Variants in RAB40B observed in about 807,000 individuals in gnomAD.
RAB40B encodes ras-related protein Rab-40B.
Under a neutral mutation model 24.0 loss-of-function variants are expected in RAB40B, and 21 were observed. The ratio of observed to expected loss-of-function variants is 0.88; its 90% CI spans 0.62 to 1.26. The LOEUF is 1.26. Ranked by LOEUF, RAB40B falls within the 50% of genes most tolerant of loss-of-function variation. The pLI is 0.00. For synonymous variants in RAB40B, 167 were observed against 169.8 expected, an observed-to-expected ratio of 0.98 and a Z score of 0.13; for missense variants, 348 against 390.5, an observed-to-expected ratio of 0.89 and a Z score of 0.92.
In RAB40B at chr17:82,667,896, C is replaced by T. The variant is rs190764425; in HGVS notation, c.143-3340G>A. ...CGTTTGCCACCGAGCCCAGCAGGCA[C>T]GCTGAGTGCACCGTCTGTCTCTCTC... On this transcript the variant is annotated intron_variant, in intron 1 of 5. Coordinates refer to ENST00000571995, the MANE Select transcript of RAB40B (RefSeq NM_006822.3). The surrounding 1 kb of genome is among the most constrained non-coding windows in gnomAD (Gnocchi z 4.3). Among the ~76,000 whole-genome samples the T allele has an allele frequency of 1.6e-4, 24 of 152,258 alleles. No individual in the cohort carries two copies. The highest frequency in any genetic ancestry group is 3.1e-4 in the Non-Finnish European group (21 of 68,016).
rs1158471473 is a variant in RAB40B, at chr17:82,665,226, CA to C, written c.143-671del. Among the ~76,000 whole-genome samples, 23 of 146,054 alleles carry C rather than the reference CA, an allele frequency of 1.6e-4. No individual in the cohort carries two copies. In the East Asian group the frequency reaches 3.8e-3, roughly 24 times the overall value. On this transcript the variant is annotated intron_variant, in intron 1 of 5. Transcript: ENST00000571995. ...TTTTTTCAAGTTAAAAACAAACAAA[CA>C]AAAAAAAAACCCGAGAATGCCTTTC... is the stretch of plus-strand genomic sequence containing the variant.
In RAB40B at chr17:82,692,057, CGG is replaced by C. The variant is rs1286018919; in HGVS notation, c.142+6396_142+6397del. On this transcript the variant is annotated intron_variant, in intron 1 of 5. Transcript: ENST00000571995. This position sits in a 1 kb window ranked among gnomAD's most constrained non-coding sequence, Gnocchi z 4.0. ...GACAGGCAGAGCAGTGGGGCCCGCACGGTCCGTGGGCTGAGGTGACAGGCAGA... is the reference window on the plus strand; with the variant it reads ...GACAGGCAGAGCAGTGGGGCCCGCACTCCGTGGGCTGAGGTGACAGGCAGA... Among the ~76,000 whole-genome samples the C allele has an allele frequency of 1.4e-3, 157 of 115,718 alleles. 75 individuals carry two copies. The highest frequency in any genetic ancestry group is 1.4e-3 in the Non-Finnish European group (79 of 55,146). 75.9% of individuals were successfully genotyped at this position (115,718 alleles called of 152,430 possible).
chr17:82,679,105 G>A (rs561641796), intron 1 of RAB40B, among the ~76,000 whole-genome samples: 27 of 150,626 alleles, frequency 1.8e-4, no homozygotes, highest in African/African-American at 5.8e-4. Context: ...GGATAGTCTC[G>A]ATCTCCTGAC....
chr17:82,692,588 G>A lies in RAB40B; in HGVS notation c.142+5867C>T, dbSNP rs2046569635. Among the ~76,000 whole-genome samples the A allele has an allele frequency of 6.6e-6, 1 of 152,144 alleles. No individual in the cohort carries two copies. The highest frequency in any genetic ancestry group is 2.4e-5 in the African/African-American group (1 of 41,430). On this transcript the variant is annotated intron_variant, in intron 1 of 5. Coordinates refer to ENST00000571995, the MANE Select transcript of RAB40B (RefSeq NM_006822.3). The surrounding 1 kb of genome is among the most constrained non-coding windows in gnomAD (Gnocchi z 4.0). ...TGGGACAACGGTGGCCGTGCGATGC[G>A]GGGTGGGGGTGGGGGGCATCCGACT...
At chr17:82,683,237 C>A (rs555127540) in intron 1 of RAB40B, among the ~76,000 whole-genome samples, 1 of 152,188 alleles carries the variant, frequency 6.6e-6, no homozygotes, top group African/African-American at 2.4e-5. Context: ...AGAAGAAAAT[C>A]TTTGTGACTT....
intron 1 of RAB40B, among the ~76,000 whole-genome samples, chr17:82,676,686 G>A (rs1471450827): frequency 1.3e-5 from 2 of 152,024 alleles, no homozygotes; most frequent in African/African-American, 4.8e-5. Flanking sequence ...GGAATGCAAT[G>A]GCGTGATCTC....
intron 1 of RAB40B, among the ~76,000 whole-genome samples, chr17:82,681,744 A>T (rs771641599): frequency 6.6e-6 from 1 of 152,196 alleles, no homozygotes. Context: ...AAATCTATCA[A>T]TGCAATTTAT....
chr17:82,662,666 C>A (rs2046189321), intron 2 of RAB40B: 1 of 985,228 alleles, frequency 1.0e-6, no homozygotes, highest in Non-Finnish European at 1.2e-6. Flanking sequence ...GCACCGGCAC[C>A]ACAGGAGAGC....
chr17:82,677,112 C>A (rs562059969), intron 1 of RAB40B, among the ~76,000 whole-genome samples: 7 of 151,286 alleles, frequency 4.6e-5, no homozygotes, highest in Non-Finnish European at 1.0e-4. Flanking sequence ...CCACGCCCAG[C>A]TAATTTTTGT....
At position 82,693,903 on chromosome 17, in the gene RAB40B, T is replaced by C. The variant is rs1037629655; in HGVS notation, c.142+4552A>G. Among the ~76,000 whole-genome samples the C allele has an allele frequency of 2.3e-4, 34 of 150,450 alleles. 1 individual carries two copies. The highest frequency in any genetic ancestry group is 8.5e-4 in the African/African-American group (34 of 40,200). ...TTCCAGACCATCCTGGCTAACAAAGTGAAACCCCGTCTCTACTAAAAATAC... is the reference window on the plus strand; with the variant it reads ...TTCCAGACCATCCTGGCTAACAAAGCGAAACCCCGTCTCTACTAAAAATAC... On this transcript the variant is annotated intron_variant, in intron 1 of 5. Coordinates refer to ENST00000571995, the MANE Select transcript of RAB40B (RefSeq NM_006822.3).
chr17:82,658,903 G>A (rs528127388), intron 4 of RAB40B, 190 bp from the exon 5 acceptor site: 37 of 586,586 alleles, frequency 6.3e-5, no homozygotes, highest in African/African-American at 5.8e-4. Flanking sequence ...ACTGAATTAG[G>A]GCCCTCATCT....
intron 1 of RAB40B, among the ~76,000 whole-genome samples, chr17:82,673,528 C>A (rs1158478133): frequency 2.6e-5 from 4 of 152,186 alleles, no homozygotes; most frequent in African/African-American, 9.7e-5. Context: ...AGACTTTGCA[C>A]GTCTGAAAAT....
At position 82,694,090 on chromosome 17, in the gene RAB40B, A is replaced by AT. The variant is rs1341885384; in HGVS notation, c.142+4364_142+4365insA. On this transcript the variant is annotated intron_variant, in intron 1 of 5. Coordinates refer to ENST00000571995, the MANE Select transcript of RAB40B (RefSeq NM_006822.3). ...AGAGCGAGACTCCATCTCAAAAAAA[A>AT]AAAAAAAAAAAAGGAAAACTCCAAA... Among the ~76,000 whole-genome samples, 134 of 150,474 alleles carry AT rather than the reference A, an allele frequency of 8.9e-4. 1 individual carries two copies. Among genetic ancestry groups the AT allele is most frequent in the South Asian group, 2.1e-3 (10 of 4,784 alleles).
In RAB40B at chr17:82,669,511, A is replaced by G. The variant is rs7222888; in HGVS notation, c.143-4955T>C. Among the ~76,000 whole-genome samples the G allele has an allele frequency of 2.8e-3, 422 of 151,854 alleles. 4 individuals carry two copies. In the South Asian group the frequency reaches 0.029, roughly 10 times the overall value. On this transcript the variant is annotated intron_variant, in intron 1 of 5. Transcript: ENST00000571995. ...AAATAAAAAATAAAAAAATTGGCCA[A>G]TCATGGTGGTGCACACCTGTCGTCC... is the stretch of plus-strand genomic sequence containing the variant.
chr17:82,658,257 A>G, intron 5 of RAB40B, 123 bp from the exon 6 acceptor site: 1 of 1,347,174 alleles, frequency 7.4e-7, no homozygotes, highest in South Asian at 1.4e-5. Flanking sequence ...CCTGGCTTGT[A>G]CATGCAGCAA....
intron 1 of RAB40B, among the ~76,000 whole-genome samples, chr17:82,684,967 A>C (rs993854208): frequency 4.6e-5 from 7 of 151,384 alleles, no homozygotes; most frequent in South Asian, 2.1e-4. Flanking sequence ...TAGAAAAATT[A>C]CCCGGGCGTG....
intron 1 of RAB40B, among the ~76,000 whole-genome samples, chr17:82,691,387 A>C (rs932161473): frequency 4.6e-5 from 7 of 152,090 alleles, no homozygotes; most frequent in African/African-American, 1.7e-4. Flanking sequence ...CCCTGTCACC[A>C]ATAAACATGT....
At chr17:82,658,736 G>A (rs1358168849) in intron 4 of RAB40B, 23 bp from the exon 5 acceptor site, 7 of 1,589,666 alleles carry the variant, frequency 4.4e-6, no homozygotes, top group Non-Finnish European at 6.0e-6. Context: ...AGAAAGGCGA[G>A]GAGCATGGGT....
chr17:82,693,191 G>C (rs7214687), intron 1 of RAB40B, among the ~76,000 whole-genome samples: 4,503 of 152,088 alleles, frequency 0.03, 219 homozygotes, highest in African/African-American at 0.1. Flanking sequence ...ATTTTTAGTA[G>C]AGATGGGGTT....
Sources: allele counts gnomAD v4.1 joint callset (sites outside exome capture counted in the v4.1 genomes callset), GRCh38; gene constraint gnomAD v4.1.1; non-coding constraint Gnocchi (gnomAD v3.1); transcripts MANE v1.5; gene names NCBI Gene and HGNC (gene_info 2026-07-23, HGNC 2026-07-21).